Variants in ABCA12 observed in about 807,000 individuals in gnomAD.
ABCA12 encodes the protein glucosylceramide transporter ABCA12.
A neutral mutation model predicts 293.5 loss-of-function variants in ABCA12; 156 were observed. That is an observed-to-expected ratio of 0.53 (90% CI 0.47 to 0.61). The LOEUF is 0.61. ABCA12 is among the 20% of genes least tolerant of loss of function. The probability of loss-of-function intolerance (pLI) is 0.00; values close to 1 mark genes in which losing one functional copy is unlikely to be tolerated. For synonymous variants in ABCA12, 1,063 were observed against 1,108.0 expected (o/e 0.96, Z 0.81); for missense variants, 2,797 against 3,090.2 (o/e 0.91, Z 2.25).
chr2:215,082,449 T>C (rs545830705), intron 2 of ABCA12: 44 of 152,314 alleles, frequency 2.9e-4, no homozygotes, highest in African/African-American at 1.0e-3. Context: ...CCATAGGCTG[T>C]CTCTCCTGCC....
intron 1 of ABCA12, among the ~76,000 whole-genome samples, chr2:215,124,118 C>T (rs147907991): frequency 0.011 from 1,608 of 152,268 alleles, 28 homozygotes; most frequent in African/African-American, 0.036. Flanking sequence ...TTTATGGCTG[C>T]GTAGTATTCC....
At chr2:215,047,482 A>G (rs546048711) in intron 6 of ABCA12, among the ~76,000 whole-genome samples, 5 of 152,270 alleles carry the variant, frequency 3.3e-5, no homozygotes, top group African/African-American at 7.2e-5. Context: ...AGGGCTACAC[A>G]CCTACAACCA....
rs773842446 is a variant in ABCA12, at chr2:214,989,552, C to A, written c.3694G>T (p.Gly1232Cys). 2 of 1,614,008 alleles carry A rather than the reference C, an allele frequency of 1.2e-6. No individual in the cohort carries two copies. The highest frequency in any genetic ancestry group is 1.7e-6 in the Non-Finnish European group (2 of 1,179,958). Residue 1232 changes from glycine to cysteine, a missense_variant and splice_region_variant, in exon 25 of 53, where the codon GGT becomes TGT. Transcript: ENST00000272895. The stretch of plus-strand genomic sequence containing the variant: ...CCAGTTTTAAAGAAAGGGGACCTAC[C>A]AATGCCCTGTTCTTCGTATCGTGCA... ...YIARYEEQGI[G>C]LQWENMYTSP...
chr2:214,978,280 T>C (rs758817422), intron 33 of ABCA12, 36 bp downstream of exon 33: 3 of 1,612,090 alleles, frequency 1.9e-6, no homozygotes, highest in Admixed American at 1.7e-5. Flanking sequence ...ATGTCATCCA[T>C]TGGAATTAAA....
chr2:215,116,342 A>G (rs554513913), intron 1 of ABCA12, among the ~76,000 whole-genome samples: 24 of 152,284 alleles, frequency 1.6e-4, no homozygotes, highest in African/African-American at 4.8e-4. Flanking sequence ...AATATTTTCA[A>G]TACTCGACAT....
At chr2:215,104,853 C>T (rs1702430371) in intron 2 of ABCA12, among the ~76,000 whole-genome samples, 2 of 152,104 alleles carry the variant, frequency 1.3e-5, no homozygotes, top group Non-Finnish European at 2.9e-5. Flanking sequence ...AGTGACGGGG[C>T]TTTATATTCA....
intron 16 of ABCA12, 23 bp downstream of exon 16, chr2:215,011,948 A>C: frequency 6.2e-7 from 1 of 1,613,352 alleles, no homozygotes; most frequent in African/African-American, 1.3e-5. Context: ...TTCAACAAGA[A>C]CATTACTGGG....
intron 8 of ABCA12, among the ~76,000 whole-genome samples, chr2:215,033,084 G>T (rs1351677427): frequency 6.6e-6 from 1 of 152,196 alleles, no homozygotes; most frequent in Non-Finnish European, 1.5e-5. Flanking sequence ...AGGTTTTTCT[G>T]TTCAGCAGAG....
intron 15 of ABCA12, 152 bp downstream of exon 15, chr2:215,015,338 T>G (rs963605181): frequency 2.3e-5 from 18 of 774,382 alleles, no homozygotes; most frequent in Non-Finnish European, 4.1e-6. Context: ...ATAAATGATC[T>G]CTAAGGTTGC....
At chr2:215,123,094 T>A (rs1002991687) in intron 1 of ABCA12, among the ~76,000 whole-genome samples, 2 of 152,236 alleles carry the variant, frequency 1.3e-5, no homozygotes, top group Admixed American at 1.3e-4. Flanking sequence ...CCATCCATGT[T>A]GCTGCAAAGG....
In ABCA12 at chr2:214,978,564, T is replaced by C. The variant is rs1488747378; in HGVS notation, c.4978-98A>G. 9 of 1,446,272 alleles carry C rather than the reference T, an allele frequency of 6.2e-6. No homozygotes were observed. In the East Asian group the frequency reaches 7.3e-5, roughly 12 times the overall value. 89.6% of individuals were successfully genotyped at this position (1,446,272 alleles called of 1,614,324 possible). ...GATTTTGAACTTTTATCACATTTACTGAGACAAATTTTTCCCGTCTGACTT... is the reference window on the plus strand; with the variant it reads ...GATTTTGAACTTTTATCACATTTACCGAGACAAATTTTTCCCGTCTGACTT... On this transcript the variant is annotated intron_variant, in intron 32 of 52. Coordinates refer to ENST00000272895, the MANE Select transcript of ABCA12 (RefSeq NM_173076.3).
At position 215,064,215 on chromosome 2, in the gene ABCA12, G is replaced by T; in HGVS notation, c.168C>A (p.Tyr56Ter). The T allele has an allele frequency of 6.2e-7, 1 of 1,612,202 alleles. No individual in the cohort carries two copies. The highest frequency in any genetic ancestry group is 8.5e-7 in the Non-Finnish European group (1 of 1,178,860). The change falls in exon 3 of 53, where the codon TAC becomes TAA. Residue 56 changes from tyrosine to a stop codon, truncating the protein, a stop_gained. Transcript: ENST00000272895. LOFTEE classifies it high-confidence loss of function. ...KFPPTAKPTC[Y>*]LAPRNLPSTG... Reference sequence around the variant, plus strand: ...TACTAGGAAGGTTTCGAGGTGCGAGGTAACCTAAAATTAAAAAAACAGTCA... The same window carrying T: ...TACTAGGAAGGTTTCGAGGTGCGAGTTAACCTAAAATTAAAAAAACAGTCA...
intron 2 of ABCA12, among the ~76,000 whole-genome samples, chr2:215,094,577 C>T (rs1702212433): frequency 6.6e-6 from 1 of 152,156 alleles, no homozygotes; most frequent in Non-Finnish European, 1.5e-5. Flanking sequence ...AAGCCACTAG[C>T]CTGCCTCTTA....
intron 31 of ABCA12, among the ~76,000 whole-genome samples, 199 bp downstream of exon 31, chr2:214,980,284 A>G (rs991231135): frequency 6.6e-6 from 1 of 152,198 alleles, no homozygotes; most frequent in Non-Finnish European, 1.5e-5. Context: ...CTACAGGATC[A>G]GACACTCTTG....
chr2:214,961,441 T>C (rs1239107337), intron 39 of ABCA12, among the ~76,000 whole-genome samples: 1 of 152,118 alleles, frequency 6.6e-6, no homozygotes. Context: ...GAGTCTAGAG[T>C]GACTCAGATT....
rs1698149887 is a variant in ABCA12 at position 214,934,190 on chromosome 2, T to C, written c.7568A>G (p.Tyr2523Cys). ...TCCTCCTGCTGTGACTGGTACATGA[T>C]ACTCTAGCATGCTGAGGTGCTGATC... ...LKDQHLSMLE[Y>C]HVPVTAGGVA... The change falls in exon 52 of 53, where the codon TAT becomes TGT. Residue 2523 changes from tyrosine to cysteine, a missense_variant. By Grantham distance (194) the Tyr-to-Cys change is radical. This residue lies in a region of ABCA12 where 2,130 missense variants were observed against 2,427.0 expected (regional missense o/e 0.88). Transcript: ENST00000272895. 6.2e-7 allele frequency: 1 copy of C among 1,613,798 alleles called. No homozygotes were observed. Among genetic ancestry groups the C allele is most frequent in the Non-Finnish European group, 8.5e-7 (1 of 1,179,760 alleles).
At chr2:214,937,740 A>G in intron 50 of ABCA12, 125 bp from the exon 51 acceptor site, 1 of 704,242 alleles carries the variant, frequency 1.4e-6, no homozygotes, top group East Asian at 2.8e-5. Flanking sequence ...TATGAAGACT[A>G]TCATTTTGCC....
intron 1 of ABCA12, among the ~76,000 whole-genome samples, chr2:215,115,950 G>A: frequency 6.6e-6 from 1 of 152,116 alleles, no homozygotes; most frequent in Non-Finnish European, 1.5e-5. Flanking sequence ...CAGAGGCAGT[G>A]GCAGGCGACC....
rs1701969800 is a variant in ABCA12, at chr2:215,082,839, G to T, written c.164-18620C>A. ...GTAATAATAACATATGTAACAGAATGTGTTTTAATGCTTTTTAGCTTTAAA... is the reference window on the plus strand; with the variant it reads ...GTAATAATAACATATGTAACAGAATTTGTTTTAATGCTTTTTAGCTTTAAA... On this transcript the variant is annotated intron_variant, in intron 2 of 52. Transcript: ENST00000272895. 3.9e-5 allele frequency: 6 copies of T among 152,196 alleles called. No homozygotes were observed. In the South Asian group the frequency reaches 1.0e-3, roughly 26 times the overall value. The allele number at this position is 152,196 out of a possible 1,614,324, so 9.4% of individuals were successfully genotyped here.
Sources: gnomAD v4.1 joint callset for allele counts (sites outside exome capture counted in the v4.1 genomes callset) on GRCh38, gnomAD v4.1.1 for gene constraint, gnomAD v4.1.1 regional missense constraint, MANE v1.5 for transcripts, NCBI Gene and HGNC (gene_info 2026-07-23, HGNC 2026-07-21) for gene names.